HMGB1: variants seen among roughly 807,000 people sequenced by gnomAD.
HMGB1 encodes high mobility group box 1, also known as high mobility group protein B1.
For synonymous variants in HMGB1, 81 were observed against 84.0 expected (o/e 0.96, Z 0.19); for missense variants, 79 against 253.5 (o/e 0.31, Z 4.67).
At chr13:30,493,670 C>T (rs113371631) in intron 1 of HMGB1, among the ~76,000 whole-genome samples, 27 of 152,252 alleles carry the variant, frequency 1.8e-4, no homozygotes, top group African/African-American at 4.6e-4. Context: ...GAGGCGCACA[C>T]GCCTGTGGTC....
Position 30,605,689 on chromosome 13 carries a change from A to C in HMGB1, c.-15+10982T>G, listed in dbSNP as rs1347114764. On this transcript the variant is annotated intron_variant, in intron 1 of 4. Coordinates refer to the HMGB1 transcript ENST00000405805. ...AGGTGGTAGCCATAAACAATGATAC[A>C]TTCTCTTGAGGCCTTTTCTTGCAAA... 2.0e-5 allele frequency among the ~76,000 whole-genome samples: 3 copies of C among 152,242 alleles called. No homozygotes were observed. The East Asian group carries it at 5.8e-4, about 29-fold the overall frequency.
At chr13:30,577,509 T>C (rs993772141) in intron 1 of HMGB1, among the ~76,000 whole-genome samples, 9 of 152,182 alleles carry the variant, frequency 5.9e-5, no homozygotes, top group Non-Finnish European at 1.3e-4. Context: ...AGCTGACTCA[T>C]CAGTGACCTT....
chr13:30,465,166 G>T, intron 1 of HMGB1: 4 of 959,194 alleles, frequency 4.2e-6, no homozygotes, highest in Non-Finnish European at 4.9e-6. Flanking sequence ...TCCAGCGAGC[G>T]CAGCGGCGCC....
chr13:30,481,465 T>G (rs985610931), intron 1 of HMGB1, among the ~76,000 whole-genome samples: 13 of 152,236 alleles, frequency 8.5e-5, no homozygotes, highest in African/African-American at 2.7e-4. Context: ...AGATCTTATC[T>G]ATGTCCAGAA....
chr13:30,527,285 G>A (rs962070236), intron 1 of HMGB1, among the ~76,000 whole-genome samples: 1 of 152,234 alleles, frequency 6.6e-6, no homozygotes, highest in Admixed American at 6.5e-5. Flanking sequence ...TCAGTTGTAA[G>A]AAACTTCAGG....
intron 1 of HMGB1, among the ~76,000 whole-genome samples, chr13:30,523,903 C>A (rs192731682): frequency 6.6e-6 from 1 of 152,008 alleles, no homozygotes. Flanking sequence ...ACCATTCCCC[C>A]ACTGTTTTTT....
intron 1 of HMGB1, among the ~76,000 whole-genome samples, chr13:30,509,588 T>G (rs977992233): frequency 6.6e-6 from 1 of 152,106 alleles, no homozygotes; most frequent in Non-Finnish European, 1.5e-5. Flanking sequence ...TCAAGACCTA[T>G]TCATGTTTAA....
At chr13:30,606,875 G>A (rs1048199978) in intron 1 of HMGB1, among the ~76,000 whole-genome samples, 8 of 152,212 alleles carry the variant, frequency 5.3e-5, no homozygotes, top group African/African-American at 1.9e-4. Flanking sequence ...CTTTTCTGTT[G>A]TGTTGAATAG....
At chr13:30,483,014 G>A (rs756778678) in intron 1 of HMGB1, among the ~76,000 whole-genome samples, 1 of 150,874 alleles carries the variant, frequency 6.6e-6, no homozygotes, top group Non-Finnish European at 1.5e-5. Context: ...GGCTGGTCCC[G>A]AACTTCTGGC....
At chr13:30,560,041 G>A (rs1869881070) in intron 1 of HMGB1, among the ~76,000 whole-genome samples, 1 of 152,100 alleles carries the variant, frequency 6.6e-6, no homozygotes, top group African/African-American at 2.4e-5. Flanking sequence ...ACTATTTACA[G>A]TGATTTGTGT....
chr13:30,462,039 C>G (rs1886376275), intron 4 of HMGB1, among the ~76,000 whole-genome samples: 1 of 152,142 alleles, frequency 6.6e-6, no homozygotes, highest in South Asian at 2.1e-4. Flanking sequence ...TTTAATATTT[C>G]AATTTACTGA....
chr13:30,496,980 A>T (rs1387661520), intron 1 of HMGB1, among the ~76,000 whole-genome samples: 1 of 152,048 alleles, frequency 6.6e-6, no homozygotes, highest in Non-Finnish European at 1.5e-5. Context: ...TTCAGTGCTC[A>T]TATTCCTCTA....
At chr13:30,557,791 C>T (rs947041424) in intron 1 of HMGB1, among the ~76,000 whole-genome samples, 1 of 152,178 alleles carries the variant, frequency 6.6e-6, no homozygotes, top group Admixed American at 6.5e-5. Context: ...CTCTAGTTCT[C>T]ACCTAAAGAG....
chr13:30,575,878 G>T (rs1870633559), intron 1 of HMGB1, among the ~76,000 whole-genome samples: 1 of 152,080 alleles, frequency 6.6e-6, no homozygotes, highest in African/African-American at 2.4e-5. Flanking sequence ...CACTCAGCCT[G>T]GGCAACAGAG....
intron 1 of HMGB1, among the ~76,000 whole-genome samples, chr13:30,490,172 A>G (rs1371706645): frequency 6.6e-6 from 1 of 152,076 alleles, no homozygotes; most frequent in Non-Finnish European, 1.5e-5. Context: ...AATAATAAAT[A>G]TGTTTAGTGT....
intron 1 of HMGB1, chr13:30,539,465 A>C (rs1868760446): frequency 9.3e-6 from 2 of 214,822 alleles, no homozygotes; most frequent in Admixed American, 4.2e-5. Context: ...CTGACTGTCC[A>C]TATCTGAGCA....
chr13:30,528,795 G>A (rs996416208), intron 1 of HMGB1, among the ~76,000 whole-genome samples: 12 of 152,030 alleles, frequency 7.9e-5, no homozygotes, highest in Admixed American at 2.0e-4. Context: ...TTGGGAGACC[G>A]AGGTGGGCTG....
intron 1 of HMGB1, among the ~76,000 whole-genome samples, chr13:30,527,456 C>T (rs990485032): frequency 2.6e-5 from 4 of 152,042 alleles, no homozygotes; most frequent in African/African-American, 7.2e-5. Context: ...CCTCAGATGT[C>T]GGTGGTCCAC....
chr13:30,566,281 A>G (rs1018915089), intron 1 of HMGB1, among the ~76,000 whole-genome samples: 3 of 152,188 alleles, frequency 2.0e-5, no homozygotes, highest in East Asian at 3.8e-4. Flanking sequence ...AAAATCAGCA[A>G]TTTTATCAAA....
Sources: gnomAD v4.1 joint callset for allele counts (sites outside exome capture counted in the v4.1 genomes callset) on GRCh38, gnomAD v4.1.1 for gene constraint, MANE v1.5 for transcripts, NCBI Gene and HGNC (gene_info 2026-07-23, HGNC 2026-07-21) for gene names.